The following QDPR variants were observed in gnomAD, a reference collection of about 807,000 sequenced individuals.
QDPR encodes the protein quinoid dihydropteridine reductase.
A neutral mutation model predicts 31.7 loss-of-function variants in QDPR; 23 were observed. That is an observed-to-expected ratio of 0.73 (90% CI 0.52 to 1.03). The LOEUF (loss-of-function observed/expected upper bound fraction) is 1.03, where lower values mean the gene tolerates loss of function less well. Ranked by LOEUF, QDPR falls within the 50% of genes least tolerant of loss-of-function variation. The pLI is 0.00. For missense variants in QDPR, 324 were observed against 323.8 expected, an observed-to-expected ratio of 1.00 and a Z score of 0.00; for synonymous variants, 124 against 124.7, an observed-to-expected ratio of 0.99 and a Z score of 0.03.
At chr4:17,496,805 G>A (rs1388735024) in intron 4 of QDPR, among the ~76,000 whole-genome samples, 1 of 152,022 alleles carries the variant, frequency 6.6e-6, no homozygotes, top group African/African-American at 2.4e-5. Context: ...CACCCAGACT[G>A]GAGTGCAGTG....
Position 17,501,790 on chromosome 4 carries a change from G to C in QDPR, c.365C>G (p.Ala122Gly). ...GCCTCCTTCCTTGAGATGCTTGGTA[G>C]CCAGATGGCTGGAGATGGTCGATGT... is the stretch of plus-strand genomic sequence containing the variant. ...IWTSTISSHL[A>G]TKHLKEGGLL... is the part of the protein sequence containing the mutation. The change falls in exon 4 of 7, where the codon GCT becomes GGT. Residue 122 changes from alanine (A) to glycine (G), a missense_variant. Ala to Gly is a moderately conservative substitution (Grantham distance 60). Coordinates refer to ENST00000281243, the MANE Select transcript of QDPR (RefSeq NM_000320.3). 6.2e-7 allele frequency: 1 copy of C among 1,614,170 alleles called. No individual in the cohort carries two copies. Among genetic ancestry groups the C allele is most frequent in the Non-Finnish European group, 8.5e-7 (1 of 1,180,024 alleles).
At chr4:17,490,432 C>T (rs1457437953) in intron 6 of QDPR, 27 of 515,892 alleles carry the variant, frequency 5.2e-5, no homozygotes, top group Non-Finnish European at 1.5e-5. Context: ...GGTGAGGGAG[C>T]GAGCCAGGAT....
rs752984135 is a variant in QDPR, at chr4:17,487,163, C to T, written c.703G>A (p.Gly235Arg). Residue 235 changes from glycine (G) to arginine (R), a missense_variant, in exon 7 of 7, where the codon GGA (glycine) becomes AGA (arginine). By Grantham distance (125) the Gly-to-Arg change is moderately radical. Transcript: ENST00000281243. ...TATGCTGGGGTGAGTTCCGTCCTTC[C>T]TTCTGTGGTTACCACCTGGATTAGG... The part of the protein sequence containing the change: ...GSLIQVVTTE[G>R]RTELTPAYF 5.6e-6 allele frequency: 9 copies of T among 1,614,216 alleles called. No homozygotes were observed. The highest frequency in any genetic ancestry group is 6.8e-6 in the Non-Finnish European group (8 of 1,180,040).
chr4:17,486,835 G>C lies in QDPR; in HGVS notation c.*296C>G. The C allele has an allele frequency of 2.4e-6, 1 of 424,490 alleles. No homozygotes were observed. The highest frequency in any genetic ancestry group is 2.7e-5 in the South Asian group (1 of 37,568). 26.3% of individuals were successfully genotyped at this position (424,490 alleles called of 1,614,324 possible). A position where few individuals can be genotyped will look rare whatever the true frequency, so the allele number is the denominator to read the frequency against. On this transcript the variant is annotated 3_prime_UTR_variant, in exon 7 of 7. Transcript: ENST00000281243. ...AGCCACTGTCAAGGACAGATGAACA[G>C]TCACAAAAGCGATCCAACATGACAC... is the stretch of plus-strand genomic sequence containing the variant.
At chr4:17,494,574 A>T (rs10084995) in intron 4 of QDPR, among the ~76,000 whole-genome samples, 1 of 152,072 alleles carries the variant, frequency 6.6e-6, no homozygotes, top group African/African-American at 2.4e-5. Flanking sequence ...TACTTCCAGC[A>T]TCCTCCTTAA....
chr4:17,496,205 G>A (rs1052221507), intron 4 of QDPR, among the ~76,000 whole-genome samples: 8 of 151,810 alleles, frequency 5.3e-5, no homozygotes, highest in Middle Eastern at 3.2e-3. Context: ...CAGCACTTTG[G>A]GAGGCCAAGG....
At chr4:17,499,762 A>G (rs1046793305) in intron 4 of QDPR, among the ~76,000 whole-genome samples, 15 of 152,168 alleles carry the variant, frequency 9.9e-5, no homozygotes, top group Non-Finnish European at 1.6e-4. Context: ...TCTACAAAAA[A>G]TACAAAAATT....
chr4:17,490,441 A>G (rs1718118733), intron 6 of QDPR: 1 of 540,136 alleles, frequency 1.9e-6, no homozygotes, highest in Non-Finnish European at 3.5e-6. Flanking sequence ...GCGAGCCAGG[A>G]TTCATGTCGG....
chr4:17,508,929 C>A (rs1447007127), intron 2 of QDPR, among the ~76,000 whole-genome samples: 1 of 151,996 alleles, frequency 6.6e-6, no homozygotes, highest in Admixed American at 6.6e-5. Flanking sequence ...GAGGCTAAGG[C>A]GGGCGGATCA....
At chr4:17,492,507 A>C (rs1560308513) in intron 4 of QDPR, 167 bp from the exon 5 acceptor site, 1 of 647,830 alleles carries the variant, frequency 1.5e-6, no homozygotes, top group African/African-American at 1.8e-5. Flanking sequence ...AAAAAATGGC[A>C]GAGAGCCACG....
At position 17,509,272 on chromosome 4, in the gene QDPR, T is replaced by C. The variant is rs1252488251; in HGVS notation, c.197A>G (p.Gln66Arg). Residue 66 changes from glutamine to arginine, a missense_variant and splice_region_variant, in exon 2 of 7, where the codon CAG becomes CGG. Transcript: ENST00000281243. ...GTTTGGGGGCCTTTTTGAAACTACC[T>C]GGTCAGCCTGCTCAGTGAACGAGTC... ...MTDSFTEQADQVTAEVGKLLG... is the reference protein window; with the variant it reads ...MTDSFTEQADRVTAEVGKLLG... 1 of 1,613,722 alleles carries C rather than the reference T, an allele frequency of 6.2e-7. No individual in the cohort carries two copies. Among genetic ancestry groups the C allele is most frequent in the South Asian group, 1.1e-5 (1 of 91,078 alleles).
In QDPR at chr4:17,509,062, G is replaced by A. The variant is rs539666093; in HGVS notation, c.198+209C>T. Among the ~76,000 whole-genome samples, 6 of 152,272 alleles carry A rather than the reference G, an allele frequency of 3.9e-5. No homozygotes were observed. The South Asian group carries it at 8.3e-4, about 21-fold the overall frequency. ...AATCCCAGCTACTCAGGAGGCTGAG[G>A]CAGGAGAATTGCTTCAACCCAGGAG... On this transcript the variant is annotated intron_variant, in intron 2 of 6. Transcript: ENST00000281243.
chr4:17,511,748 A>C (rs994338467), intron 1 of QDPR, among the ~76,000 whole-genome samples: 3 of 152,132 alleles, frequency 2.0e-5, no homozygotes, highest in African/African-American at 7.2e-5. Flanking sequence ...TGCACAGCAA[A>C]GGCCCAGCGC....
chr4:17,497,407 G>A (rs1295184000), intron 4 of QDPR, among the ~76,000 whole-genome samples: 1 of 150,818 alleles, frequency 6.6e-6, no homozygotes, highest in African/African-American at 2.5e-5. Flanking sequence ...TTTCAGAGGT[G>A]GACTCACCCC....
At chr4:17,506,362 C>T (rs1364369728) in intron 2 of QDPR, among the ~76,000 whole-genome samples, 1 of 152,198 alleles carries the variant, frequency 6.6e-6, no homozygotes, top group African/African-American at 2.4e-5. Flanking sequence ...AACTCCTGGG[C>T]TCAAGTGATC....
At chr4:17,505,238 GA>G (rs1718740687) in intron 2 of QDPR, among the ~76,000 whole-genome samples, 1 of 139,338 alleles carries the variant, frequency 7.2e-6, no homozygotes, top group South Asian at 2.4e-4. Context: ...ATCTTCTTAA[GA>G]TTTCTTTTTT....
intron 4 of QDPR, among the ~76,000 whole-genome samples, chr4:17,494,207 C>T (rs1374413251): frequency 6.6e-6 from 1 of 152,108 alleles, no homozygotes; most frequent in Non-Finnish European, 1.5e-5. Context: ...ACAAGTGTAG[C>T]AGACAGGGAG....
rs189033107 is a variant in QDPR, at chr4:17,496,495, A to G, written c.437-4155T>C. Among the ~76,000 whole-genome samples the G allele has an allele frequency of 2.9e-3, 419 of 144,714 alleles. 2 individuals are homozygous for G. The highest frequency in any genetic ancestry group is 2.5e-3 in the Non-Finnish European group (162 of 65,848). 94.9% of individuals were successfully genotyped at this position (144,714 alleles called of 152,430 possible). ...AAAGAACAAACTGGTAGCTCTGTTC[A>G]TTAAAACTATGGTAGGTGATTCTCA... On this transcript the variant is annotated intron_variant, in intron 4 of 6. Coordinates refer to ENST00000281243, the MANE Select transcript of QDPR (RefSeq NM_000320.3).
chr4:17,496,095 A>C (rs907962994), intron 4 of QDPR, among the ~76,000 whole-genome samples: 1 of 152,142 alleles, frequency 6.6e-6, no homozygotes, highest in African/African-American at 2.4e-5. Flanking sequence ...TGGGTTTCTC[A>C]AAGGAGGATA....
Sources: allele counts gnomAD v4.1 joint callset (sites outside exome capture counted in the v4.1 genomes callset), GRCh38; gene constraint gnomAD v4.1.1; transcripts MANE v1.5; gene names NCBI Gene and HGNC (gene_info 2026-07-23, HGNC 2026-07-21).